The following TMEM132C variants were observed in gnomAD, a reference collection of about 807,000 sequenced individuals.
TMEM132C encodes the protein protein phosphatase 1, regulatory subunit 152.
Under a neutral mutation model 61.4 loss-of-function variants are expected in TMEM132C, and 29 were observed. The ratio of observed to expected loss-of-function variants is 0.47; its 90% CI spans 0.35 to 0.64. The LOEUF (loss-of-function observed/expected upper bound fraction) is 0.64, where lower values mean the gene tolerates loss of function less well. Ranked by LOEUF, TMEM132C falls within the 30% of genes least tolerant of loss-of-function variation. The pLI is 0.00. For synonymous variants in TMEM132C, 656 were observed against 633.1 expected (o/e 1.04, Z -0.54); for missense variants, 1,408 against 1,476.9 (o/e 0.95, Z 0.76).
At position 128,299,374 on chromosome 12, in the gene TMEM132C, A is replaced by G. The variant is rs559601589; in HGVS notation, c.85+31887A>G. On this transcript the variant is annotated intron_variant, in intron 1 of 8. Transcript: ENST00000435159. The stretch of plus-strand genomic sequence containing the variant: ...TATACCTGGATGCCTGGTTTTGAAA[A>G]GATGAGCTGGTCTCATTAGATGAGC... 2.6e-4 allele frequency among the ~76,000 whole-genome samples: 40 copies of G among 152,316 alleles called. No individual in the cohort carries two copies. In the South Asian group the frequency reaches 8.1e-3, roughly 31 times the overall value.
chr12:128,600,160 T>TTTG (rs757301943), intron 3 of TMEM132C, among the ~76,000 whole-genome samples: 21 of 152,200 alleles, frequency 1.4e-4, no homozygotes, highest in East Asian at 1.4e-3. Flanking sequence ...TTTTTTGTAT[T>TTTG]TTTAGTAGAG....
At chr12:128,676,013 A>G (rs2135636229) in intron 5 of TMEM132C, among the ~76,000 whole-genome samples, 1 of 152,326 alleles carries the variant, frequency 6.6e-6, no homozygotes, top group Admixed American at 6.5e-5. Flanking sequence ...ACCCACAGTC[A>G]TCAACTTCAG....
intron 3 of TMEM132C, among the ~76,000 whole-genome samples, chr12:128,572,338 G>A (rs555143084): frequency 9.5e-4 from 144 of 151,806 alleles, no homozygotes; most frequent in African/African-American, 3.3e-3. Context: ...CACATGCCCA[G>A]ACCTGGGTCA....
intron 1 of TMEM132C, among the ~76,000 whole-genome samples, chr12:128,374,970 G>T (rs1874145716): frequency 1.2e-5 from 1 of 86,956 alleles, no homozygotes; most frequent in African/African-American, 3.0e-5. Flanking sequence ...ATAAAAGACA[G>T]CAGGGGATGA....
chr12:128,697,098 A>C, intron 7 of TMEM132C, 126 bp from the exon 8 acceptor site: 1 of 746,372 alleles, frequency 1.3e-6, no homozygotes, highest in Non-Finnish European at 2.0e-6. Context: ...TGAAGTAGAT[A>C]TGTAACTCCT....
intron 4 of TMEM132C, among the ~76,000 whole-genome samples, chr12:128,660,956 T>C (rs1328254948): frequency 6.6e-6 from 1 of 151,922 alleles, no homozygotes; most frequent in Non-Finnish European, 1.5e-5. Context: ...AGAAAGAAGA[T>C]AGATTAGATA....
At chr12:128,464,790 A>AGAGAGAAAGAGAGAAAGAGAGAAAGAG (rs1870667417) in intron 2 of TMEM132C, among the ~76,000 whole-genome samples, 1 of 137,316 alleles carries the variant, frequency 7.3e-6, no homozygotes, top group Non-Finnish European at 1.6e-5. Flanking sequence ...GAAAGAGAGA[A>AGAGAGAAAGAGAGAAAGAGAGAAAGAG]AGAGAGGGAG....
intron 2 of TMEM132C, among the ~76,000 whole-genome samples, chr12:128,455,554 G>A (rs1440803080): frequency 6.6e-6 from 1 of 152,216 alleles, no homozygotes; most frequent in Non-Finnish European, 1.5e-5. Flanking sequence ...GACCGTAAAC[G>A]TGTTCAGGAG....
At chr12:128,344,117 T>C (rs1417133848) in intron 1 of TMEM132C, among the ~76,000 whole-genome samples, 4 of 152,252 alleles carry the variant, frequency 2.6e-5, no homozygotes, top group African/African-American at 9.6e-5. Flanking sequence ...CATTTATGAT[T>C]CATGTACATG....
At chr12:128,291,405 T>C (rs952912672) in intron 1 of TMEM132C, among the ~76,000 whole-genome samples, 5 of 152,184 alleles carry the variant, frequency 3.3e-5, no homozygotes, top group Admixed American at 3.3e-4. Flanking sequence ...CAGGTGCCCT[T>C]TTCCCCTGGA....
chr12:128,351,525 A>C (rs1873336608), intron 1 of TMEM132C, among the ~76,000 whole-genome samples: 1 of 152,222 alleles, frequency 6.6e-6, no homozygotes, highest in African/African-American at 2.4e-5. Flanking sequence ...TTATAAAGAC[A>C]AGAAATCTAT....
At chr12:128,352,026 A>C (rs1873351618) in intron 1 of TMEM132C, among the ~76,000 whole-genome samples, 1 of 152,172 alleles carries the variant, frequency 6.6e-6, no homozygotes, top group African/African-American at 2.4e-5. Flanking sequence ...TCAGGCAGGA[A>C]AAATGTCTTA....
intron 1 of TMEM132C, among the ~76,000 whole-genome samples, chr12:128,332,690 G>A (rs1415908670): frequency 6.6e-6 from 1 of 152,252 alleles, no homozygotes; most frequent in Non-Finnish European, 1.5e-5. Flanking sequence ...GTGGGAAGGT[G>A]CTGGCCTTCA....
In TMEM132C at chr12:128,469,846, C is replaced by G. The variant is rs146646890; in HGVS notation, c.974+54226C>G. Among the ~76,000 whole-genome samples the G allele has an allele frequency of 3.5e-3, 526 of 151,110 alleles. 1 individual carries two copies. The highest frequency in any genetic ancestry group is 4.9e-3 in the Non-Finnish European group (331 of 67,826). ...CGTGCATTTATATACATAAATGTAC[C>G]TGTGTGTATATACACACACCCACAT... On this transcript the variant is annotated intron_variant, in intron 2 of 8. Transcript: ENST00000435159.
At chr12:128,295,966 G>C (rs1871401907) in intron 1 of TMEM132C, among the ~76,000 whole-genome samples, 1 of 152,176 alleles carries the variant, frequency 6.6e-6, no homozygotes, top group African/African-American at 2.4e-5. Flanking sequence ...ATAATAAGCA[G>C]TGAAATGCAT....
intron 2 of TMEM132C, among the ~76,000 whole-genome samples, chr12:128,530,748 T>C (rs1052032059): frequency 6.6e-6 from 1 of 152,190 alleles, no homozygotes; most frequent in African/African-American, 2.4e-5. Flanking sequence ...CGGCCTCCAA[T>C]AACACTTCTT....
At chr12:128,368,696 C>G (rs1873942760) in intron 1 of TMEM132C, among the ~76,000 whole-genome samples, 1 of 152,188 alleles carries the variant, frequency 6.6e-6, no homozygotes, top group Non-Finnish European at 1.5e-5. Flanking sequence ...TGTCTCTCCA[C>G]AAGGTATGAA....
At chr12:128,555,665 G>A (rs1874308584) in intron 3 of TMEM132C, among the ~76,000 whole-genome samples, 2 of 151,602 alleles carry the variant, frequency 1.3e-5, no homozygotes, top group Admixed American at 1.3e-4. Flanking sequence ...TGTGGCAAAC[G>A]TTGACTGTTA....
intron 2 of TMEM132C, among the ~76,000 whole-genome samples, chr12:128,507,326 G>GA (rs2136114473): frequency 6.6e-6 from 1 of 151,772 alleles, no homozygotes; most frequent in African/African-American, 2.4e-5. Context: ...AGGATCGAGA[G>GA]AGAGAAGAAA....
Sources: gnomAD v4.1 joint callset for allele counts (sites outside exome capture counted in the v4.1 genomes callset) on GRCh38, gnomAD v4.1.1 for gene constraint, MANE v1.5 for transcripts, NCBI Gene and HGNC (gene_info 2026-07-23, HGNC 2026-07-21) for gene names.